KIF12: variants seen among roughly 807,000 people sequenced by gnomAD.
KIF12 encodes the protein kinesin-like protein KIF12.
Under a neutral mutation model 87.9 loss-of-function variants are expected in KIF12, and 80 were observed. The ratio of observed to expected loss-of-function variants is 0.91; its 90% confidence interval spans 0.76 to 1.10. KIF12 has a LOEUF of 1.10. KIF12 is among the 50% of genes least tolerant of loss of function. KIF12 has a pLI of 0.00. For synonymous variants in KIF12, 353 were observed against 348.5 expected (o/e 1.01, Z -0.14); for missense variants, 819 against 865.3 (o/e 0.95, Z 0.67).
chr9:114,099,289 A>G lies in KIF12; in HGVS notation c.-13T>C. The G allele has an allele frequency of 6.4e-7, 1 of 1,550,932 alleles. No homozygotes were observed. Among genetic ancestry groups the G allele is most frequent in the Non-Finnish European group, 8.7e-7 (1 of 1,147,040 alleles). On this transcript the variant is annotated 5_prime_UTR_variant, in exon 1 of 19. Transcript: ENST00000640217. ...CGCGTTCTTCCATGTCCTGCTCTGC[A>G]CACGGAGTTAGCTCCGCCCGCGTCT...
rs1455119311 is a variant in KIF12, at chr9:114,099,002, A to G, written c.104T>C (p.Met35Thr). Reference protein sequence around the residue: ...PIQVVLRVRPMSAAELRRGQQ... With the variant: ...PIQVVLRVRPTSAAELRRGQQ... ...CCCTCGACGCAGCTCGGCCGCGCTCATGGGACGTACCCTGGGGTCCGACAG... is the reference window on the plus strand; with the variant it reads ...CCCTCGACGCAGCTCGGCCGCGCTCGTGGGACGTACCCTGGGGTCCGACAG... The change falls in exon 3 of 19, where the codon ATG becomes ACG. Residue 35 changes from methionine to threonine, a missense_variant. Physicochemically the swap from Met to Thr is moderately conservative, Grantham distance 81. Coordinates refer to ENST00000640217, the MANE Select transcript of KIF12 (RefSeq NM_001388308.1). The G allele has an allele frequency of 1.9e-6, 3 of 1,550,322 alleles. No homozygotes were observed. The highest frequency in any genetic ancestry group is 2.0e-5 in the Admixed American group (1 of 51,004).
At chr9:114,098,211 G>A (rs1482658299) in intron 4 of KIF12, 21 bp from the exon 5 acceptor site, 19 of 1,538,202 alleles carry the variant, frequency 1.2e-5, no homozygotes, top group East Asian at 7.6e-5. Context: ...CAAGGGCGTG[G>A]CTGGACTCCG....
In KIF12 at chr9:114,095,021, A is replaced by T. The variant is rs1847156688; in HGVS notation, c.1119+2T>A. 2.5e-6 allele frequency: 4 copies of T among 1,579,788 alleles called. No individual in the cohort carries two copies. The highest frequency in any genetic ancestry group is 3.4e-6 in the Non-Finnish European group (4 of 1,163,272). On this transcript the variant is annotated splice_donor_variant, in intron 11 of 18. Coordinates refer to ENST00000640217, the MANE Select transcript of KIF12 (RefSeq NM_001388308.1). LOFTEE classifies it high-confidence loss of function. ...CCTCAGCTTGTGCCTGCCTATACTCACCTTGGGGGCCTGTGGTCGGGTGGT... is the reference window on the plus strand; with the variant it reads ...CCTCAGCTTGTGCCTGCCTATACTCTCCTTGGGGGCCTGTGGTCGGGTGGT...
At chr9:114,095,475 A>G (rs1435572336) in intron 9 of KIF12, 143 bp from the exon 10 acceptor site, 1 of 885,190 alleles carries the variant, frequency 1.1e-6, no homozygotes, top group Non-Finnish European at 1.7e-6. Context: ...ACTCAGTCAG[A>G]TTGGTCTCCA....
intron 18 of KIF12, 41 bp from the exon 19 acceptor site, chr9:114,092,041 C>T (rs1425836184): frequency 6.3e-7 from 1 of 1,577,874 alleles, no homozygotes. Context: ...TCTCCAGGGC[C>T]CTTCCTCACC....
intron 3 of KIF12, among the ~76,000 whole-genome samples, 178 bp downstream of exon 3, chr9:114,098,757 C>A (rs1287632147): frequency 3.0e-5 from 3 of 98,828 alleles, no homozygotes; most frequent in African/African-American, 1.2e-4. Context: ...GGGGTTGGCG[C>A]GGCGCACCCT....
intron 6 of KIF12, 49 bp downstream of exon 6, chr9:114,097,557 AG>A: frequency 1.9e-6 from 3 of 1,607,380 alleles, no homozygotes; most frequent in Non-Finnish European, 2.6e-6. Flanking sequence ...CCTGGAAAGA[AG>A]CGCTCCGTTT....
At position 114,098,123 on chromosome 9, in the gene KIF12, G is replaced by A. The variant is rs1003799502; in HGVS notation, c.367C>T (p.Pro123Ser). The A allele has an allele frequency of 4.5e-6, 7 of 1,547,594 alleles. No homozygotes were observed. Among genetic ancestry groups the A allele is most frequent in the Non-Finnish European group, 6.1e-6 (7 of 1,146,214 alleles). The change falls in exon 5 of 19, where the codon CCT (proline) becomes TCT (serine). Residue 123 changes from proline (P) to serine (S), a missense_variant. Transcript: ENST00000640217. ...CGCCGGCGCTCGCTCACCTGGGGAG[G>A]GGGTCCAGTCAGGGTGTAGGTCTTC... ...SGKTYTLTGP[P>S]PQGEGVPVPP...
intron 9 of KIF12, 39 bp downstream of exon 9, chr9:114,096,012 G>C (rs2134895232): frequency 6.3e-7 from 1 of 1,580,910 alleles, no homozygotes; most frequent in East Asian, 2.2e-5. Flanking sequence ...AGGCACAGAG[G>C]AGAGACAGGA....
At chr9:114,095,742 T>C (rs566203364) in intron 9 of KIF12, among the ~76,000 whole-genome samples, 5 of 152,308 alleles carry the variant, frequency 3.3e-5, no homozygotes, top group Admixed American at 3.3e-4. Flanking sequence ...TAGGCCTCAG[T>C]CTTCCCAACT....
At position 114,096,106 on chromosome 9, in the gene KIF12, G is replaced by C; in HGVS notation, c.840C>G (p.Ser280=). The stretch of plus-strand genomic sequence containing the variant: ...TAGCCTCAAGCATCAGCTCCCCACG[G>C]GATCCCGTGGCTGCTACCTTCTCAC... ...AGSEKVAATG[S]RGELMLEANS... The change falls in exon 9 of 19, where the codon TCC becomes TCG. Residue 280 remains serine, a synonymous_variant. Transcript: ENST00000640217. The C allele has an allele frequency of 6.2e-7, 1 of 1,613,810 alleles. No homozygotes were observed. Among genetic ancestry groups the C allele is most frequent in the Non-Finnish European group, 8.5e-7 (1 of 1,180,018 alleles).
At chr9:114,093,028 C>T (rs1452956484) in intron 16 of KIF12, 3 of 1,235,132 alleles carry the variant, frequency 2.4e-6, no homozygotes, top group African/African-American at 3.1e-5. Context: ...AATTCCTGGC[C>T]CTGACAGGGC....
intron 7 of KIF12, 115 bp from the exon 8 acceptor site, chr9:114,096,593 A>T: frequency 1.2e-6 from 1 of 851,364 alleles, no homozygotes; most frequent in Non-Finnish European, 1.9e-6. Flanking sequence ...AAAGGCAGGG[A>T]GGCAACAGAG....
rs775544207 is a variant in KIF12 at position 114,094,017 on chromosome 9, G to C, written c.1314-45C>G. The C allele has an allele frequency of 5.2e-6, 8 of 1,553,198 alleles. 1 individual carries two copies. In the South Asian group the frequency reaches 8.9e-5, roughly 17 times the overall value. ...AGGAAGGGGTAGGAAATGGGGCTGG[G>C]GTGGGGCATCAGTCAGCTCCTCCTC... On this transcript the variant is annotated intron_variant, in intron 13 of 18. Transcript: ENST00000640217.
At chr9:114,095,374 C>T (rs1247625656) in intron 9 of KIF12, 42 bp from the exon 10 acceptor site, 3 of 1,587,228 alleles carry the variant, frequency 1.9e-6, no homozygotes, top group Middle Eastern at 3.3e-4. Flanking sequence ...ACATCACTTG[C>T]CTAGGGCCAT....
intron 7 of KIF12, 100 bp downstream of exon 7, chr9:114,097,201 T>C: frequency 6.9e-7 from 1 of 1,451,824 alleles, no homozygotes; most frequent in Non-Finnish European, 9.2e-7. Flanking sequence ...AGGAATCATT[T>C]CTGAAGCTGC....
chr9:114,092,890 A>G (rs907503142), intron 16 of KIF12: 2 of 1,430,870 alleles, frequency 1.4e-6, no homozygotes, highest in East Asian at 2.5e-5. Context: ...GACTCCTCAG[A>G]GCCCAGAAGA....
Position 114,097,361 on chromosome 9 carries a change from C to T in KIF12, c.586G>A (p.Glu196Lys), listed in dbSNP as rs754131408. The change falls in exon 7 of 19, where the codon GAG (glutamate) becomes AAG (lysine). Residue 196 changes from glutamate to lysine, a missense_variant. Coordinates refer to ENST00000640217, the MANE Select transcript of KIF12 (RefSeq NM_001388308.1). ...RWNKTRGFYV[E>K]QLRVVEFGSL... ...CCAAATTCCACCACCCGCAGCTGCT[C>T]CACATAGAAGCCCCGAGTCTTGTTC... 2.5e-6 allele frequency: 4 copies of T among 1,610,372 alleles called. No homozygotes were observed. The East Asian group carries it at 8.9e-5, about 36-fold the overall frequency.
intron 11 of KIF12, 103 bp downstream of exon 11, chr9:114,094,920 T>C (rs1219052372): frequency 9.6e-6 from 10 of 1,044,786 alleles, no homozygotes; most frequent in Non-Finnish European, 5.5e-6. Flanking sequence ...ATCCCAACTT[T>C]GACCCAGTCC....
Sources: gnomAD v4.1 joint callset for allele counts (sites outside exome capture counted in the v4.1 genomes callset) on GRCh38, gnomAD v4.1.1 for gene constraint, MANE v1.5 for transcripts, NCBI Gene and HGNC (gene_info 2026-07-23, HGNC 2026-07-21) for gene names.